Variants in ADAMTSL1 observed in about 807,000 individuals in gnomAD.
The protein encoded by ADAMTSL1 is ADAMTS-like protein 1.
A neutral mutation model predicts 201.8 loss-of-function variants in ADAMTSL1; 126 were observed. The ratio of observed to expected loss-of-function variants is 0.62; its 90% CI spans 0.54 to 0.72. The LOEUF is 0.72. Among genes scored for constraint, ADAMTSL1 ranks in the 30% least tolerant of loss-of-function variants. The pLI is 0.00. For synonymous variants in ADAMTSL1, 1,121 were observed against 903.4 expected, an observed-to-expected ratio of 1.24 and a Z score of -4.32; for missense variants, 2,679 against 2,277.8, an observed-to-expected ratio of 1.18 and a Z score of -3.59.
At chr9:17,917,493 C>T (rs1208172434) in intron 1 of ADAMTSL1, among the ~76,000 whole-genome samples, 1 of 151,916 alleles carries the variant, frequency 6.6e-6, no homozygotes, top group Non-Finnish European at 1.5e-5. Context: ...TAGTGAGTTA[C>T]CTTCACTGAT....
chr9:17,956,391 A>C (rs1227924607), intron 1 of ADAMTSL1, among the ~76,000 whole-genome samples: 1 of 152,200 alleles, frequency 6.6e-6, no homozygotes, highest in African/African-American at 2.4e-5. Context: ...GTAGTAAGAA[A>C]GTCGGCAATA....
intron 3 of ADAMTSL1, among the ~76,000 whole-genome samples, chr9:18,565,159 A>G (rs552044824): frequency 1.3e-5 from 2 of 152,344 alleles, no homozygotes; most frequent in Admixed American, 1.3e-4. Flanking sequence ...TATATCACAC[A>G]TTTCATATCT....
chr9:17,985,423 T>G (rs1818884915), intron 1 of ADAMTSL1, among the ~76,000 whole-genome samples: 1 of 152,102 alleles, frequency 6.6e-6, no homozygotes, highest in South Asian at 2.1e-4. Flanking sequence ...TTCTAACACA[T>G]AAAATTTAAA....
chr9:18,117,294 C>A (rs1313036714), intron 1 of ADAMTSL1, among the ~76,000 whole-genome samples: 5 of 152,142 alleles, frequency 3.3e-5, no homozygotes, highest in African/African-American at 1.2e-4. Context: ...AGGTCGTAGT[C>A]TGTTAAATGA....
intron 23 of ADAMTSL1, 112 bp downstream of exon 23, chr9:18,830,089 G>A (rs7026429): frequency 0.72 from 995,645 of 1,388,274 alleles, 359,095 homozygotes; most frequent in Non-Finnish European, 0.74. Context: ...GGCCAACAGG[G>A]AATCACTAAA....
chr9:18,004,022 A>C (rs1447981695), intron 1 of ADAMTSL1, among the ~76,000 whole-genome samples: 1 of 152,066 alleles, frequency 6.6e-6, no homozygotes, highest in South Asian at 2.1e-4. Context: ...TTGGGCACCT[A>C]AAAAGAAAAT....
In ADAMTSL1 at chr9:18,676,165, A is replaced by G. The variant is rs776764; in HGVS notation, c.1136+258A>G. ...GAAAACAGTAATTCACTCTGATTAG[A>G]TACAGTTTATGGGTTTATATTATGT... On this transcript the variant is annotated intron_variant, in intron 10 of 28. Coordinates refer to ENST00000380548, the MANE Select transcript of ADAMTSL1 (RefSeq NM_001040272.6). Among the ~76,000 whole-genome samples, 21,377 of 151,984 alleles carry G rather than the reference A, an allele frequency of 0.14. 1,651 individuals are homozygous for G. The highest frequency in any genetic ancestry group is 0.22 in the East Asian group (1,159 of 5,162).
At chr9:18,301,045 C>G (rs1332560837) in intron 2 of ADAMTSL1, among the ~76,000 whole-genome samples, 3 of 152,088 alleles carry the variant, frequency 2.0e-5, no homozygotes, top group African/African-American at 7.2e-5. Flanking sequence ...CTACTTAACT[C>G]CACAGTAAAT....
intron 1 of ADAMTSL1, among the ~76,000 whole-genome samples, chr9:17,978,721 C>G (rs1172012720): frequency 6.6e-6 from 1 of 152,078 alleles, no homozygotes; most frequent in African/African-American, 2.4e-5. Flanking sequence ...ATTACCATTA[C>G]AGTATTAGAG....
At chr9:18,725,913 A>T (rs953045903) in intron 15 of ADAMTSL1, among the ~76,000 whole-genome samples, 1 of 152,168 alleles carries the variant, frequency 6.6e-6, no homozygotes, top group African/African-American at 2.4e-5. Context: ...TTGCCATTTA[A>T]TATTATGCAC....
intron 3 of ADAMTSL1, among the ~76,000 whole-genome samples, chr9:18,560,069 G>T (rs1372102885): frequency 2.6e-5 from 4 of 152,146 alleles, no homozygotes; most frequent in African/African-American, 9.7e-5. Context: ...GTGAGAGAGG[G>T]CATCCTTGTC....
intron 2 of ADAMTSL1, among the ~76,000 whole-genome samples, chr9:18,530,868 C>T (rs1286676672): frequency 6.6e-6 from 1 of 152,184 alleles, no homozygotes; most frequent in East Asian, 1.9e-4. Flanking sequence ...AAACTGGGTA[C>T]TCTTAATCAC....
chr9:18,122,556 C>T (rs905099779), intron 1 of ADAMTSL1, among the ~76,000 whole-genome samples: 1 of 152,078 alleles, frequency 6.6e-6, no homozygotes, highest in South Asian at 2.1e-4. Context: ...GTGATTTATG[C>T]TAAGCATAAA....
At chr9:18,886,705 T>C in intron 23 of ADAMTSL1, among the ~76,000 whole-genome samples, 1 of 152,188 alleles carries the variant, frequency 6.6e-6, no homozygotes, top group East Asian at 1.9e-4. Context: ...GACACTAATC[T>C]CATTCGTGAG....
intron 23 of ADAMTSL1, among the ~76,000 whole-genome samples, chr9:18,884,388 G>GAA (rs1828724394): frequency 1.3e-5 from 2 of 152,078 alleles, no homozygotes; most frequent in Non-Finnish European, 2.9e-5. Flanking sequence ...TCACTTGATG[G>GAA]TGTCTTATGA....
At chr9:18,710,299 G>C (rs774686356) in intron 14 of ADAMTSL1, among the ~76,000 whole-genome samples, 8 of 152,274 alleles carry the variant, frequency 5.3e-5, no homozygotes, top group Non-Finnish European at 7.4e-5. Flanking sequence ...TGACCACAGG[G>C]CTGGCCCAAG....
At chr9:18,350,115 G>T (rs776949291) in intron 2 of ADAMTSL1, among the ~76,000 whole-genome samples, 1 of 151,828 alleles carries the variant, frequency 6.6e-6, no homozygotes, top group Non-Finnish European at 1.5e-5. Flanking sequence ...AACTAATGTG[G>T]CAAATGGCCC....
intron 2 of ADAMTSL1, among the ~76,000 whole-genome samples, chr9:18,446,243 C>A (rs1385066664): frequency 6.6e-6 from 1 of 152,116 alleles, no homozygotes; most frequent in East Asian, 1.9e-4. Context: ...GGGCTTAAGT[C>A]TAAGATGAAA....
chr9:18,301,631 C>G (rs564318801), intron 2 of ADAMTSL1, among the ~76,000 whole-genome samples: 28 of 152,182 alleles, frequency 1.8e-4, no homozygotes, highest in Non-Finnish European at 3.7e-4. Context: ...ATTGTACTCT[C>G]CTCGCCTATT....
Sources: allele counts gnomAD v4.1 joint callset (sites outside exome capture counted in the v4.1 genomes callset), GRCh38; gene constraint gnomAD v4.1.1; transcripts MANE v1.5; gene names NCBI Gene and HGNC (gene_info 2026-07-23, HGNC 2026-07-21).